CIC: variants seen among roughly 807,000 people sequenced by gnomAD.
The protein encoded by CIC is protein capicua homolog.
A neutral mutation model predicts 115.7 loss-of-function variants in CIC; 18 were observed. The observed-to-expected ratio is 0.16, with a 90% CI of 0.11 to 0.23. CIC has a LOEUF of 0.23. CIC is among the 10% of genes least tolerant of loss of function. The probability of loss-of-function intolerance (pLI) is 1.00; values close to 1 mark genes in which losing one functional copy is unlikely to be tolerated. For missense variants in CIC, 2,000 were observed against 2,159.3 expected (o/e 0.93, Z 1.46); for synonymous variants, 1,076 against 923.0 (o/e 1.17, Z -3.01).
chr19:42,281,895 A>G (rs1275960757), intron 2 of CIC, among the ~76,000 whole-genome samples: 1 of 152,088 alleles, frequency 6.6e-6, no homozygotes, highest in Non-Finnish European at 1.5e-5. Flanking sequence ...CTTTTTCTCA[A>G]CCAACAGAAG....
chr19:42,288,162 A>G lies in CIC; in HGVS notation c.3658+187A>G, dbSNP rs113739006. ...CGGAGCCAGGGAGATCCACACAGAT[A>G]CTAAGATTCCCAAACAGCAATCTCG... On this transcript the variant is annotated intron_variant, in intron 7 of 20. Transcript: ENST00000681038. 3.2e-3 allele frequency among the ~76,000 whole-genome samples: 487 copies of G among 152,330 alleles called. 11 individuals carry two copies. Among genetic ancestry groups the G allele is most frequent in the African/African-American group, 0.011 (460 of 41,572 alleles).
At chr19:42,290,107 G>T in intron 10 of CIC, 126 bp from the exon 11 acceptor site, 1 of 1,464,112 alleles carries the variant, frequency 6.8e-7, no homozygotes, top group South Asian at 1.1e-5. Flanking sequence ...ATGAATTGAG[G>T]CCTTCAGCTG....
At chr19:42,282,100 G>C (rs543215676) in intron 2 of CIC, among the ~76,000 whole-genome samples, 1 of 152,308 alleles carries the variant, frequency 6.6e-6, no homozygotes, top group South Asian at 2.1e-4. Flanking sequence ...AGTCCCTGGG[G>C]CAGTGAAGTA....
At chr19:42,294,149 C>T in intron 18 of CIC, 24 bp from the exon 19 acceptor site, 1 of 1,613,938 alleles carries the variant, frequency 6.2e-7, no homozygotes, top group African/African-American at 1.3e-5. Context: ...GCCACCTGCA[C>T]TGAGTCTGCT....
At position 42,289,066 on chromosome 19, in the gene CIC, T is replaced by C; in HGVS notation, c.3837T>C (p.Ser1279=). 1.9e-6 allele frequency: 3 copies of C among 1,613,670 alleles called. No homozygotes were observed. The highest frequency in any genetic ancestry group is 2.5e-6 in the Non-Finnish European group (3 of 1,180,032). The change falls in exon 8 of 21, where the codon AGT becomes AGC. Residue 1279 remains serine (S), a synonymous_variant. Transcript: ENST00000681038. ...GCCTGGACGGCGGAGAAGTAGACAG[T>C]CAGGCGCTACAGGAACTGACGCAGG... ...VHSLDGGEVD[S]QALQELTQMV...
chr19:42,284,699 C>A, intron 2 of CIC: 1 of 1,545,900 alleles, frequency 6.5e-7, no homozygotes, highest in Non-Finnish European at 8.7e-7. Flanking sequence ...CCCCCTGCGC[C>A]GGACCATGTA....
intron 17 of CIC, 29 bp from the exon 18 acceptor site, chr19:42,293,906 C>G (rs1254156348): frequency 3.8e-5 from 62 of 1,612,504 alleles, no homozygotes; most frequent in Non-Finnish European, 5.2e-5. Flanking sequence ...CAGGCTGAGG[C>G]GGGGGAGGTG....
At position 42,273,772 on chromosome 19, in the gene CIC, G is replaced by A; in HGVS notation, c.1989G>A (p.Leu663=). ...IQRTAVRSRH[L]SASTPKAGVL... ...GCACTGCAGTCCGCAGTCGCCACCT[G>A]AGCGCCAGCACCCCTAAGGCAGGCG... The change falls in exon 2 of 21, where the codon CTG becomes CTA. Residue 663 remains leucine (L), a synonymous_variant. Transcript: ENST00000681038. 1 of 398,680 alleles carries A rather than the reference G, an allele frequency of 2.5e-6. No homozygotes were observed. The highest frequency in any genetic ancestry group is 3.6e-5 in the East Asian group (1 of 28,062). The allele number at this position is 398,680 out of a possible 1,614,324, so 24.7% of individuals were successfully genotyped here.
chr19:42,290,495 C>G lies in CIC; in HGVS notation c.4454C>G (p.Pro1485Arg). Residue 1485 changes from proline to arginine, a missense_variant, in exon 11 of 21, where the codon CCT becomes CGT. Physicochemically the swap from Pro to Arg is moderately radical, Grantham distance 103. Coordinates refer to ENST00000681038, the MANE Select transcript of CIC (RefSeq NM_001386298.1). ...STAGPLRPPP[P>R]GAGGPATPSK... is the part of the protein sequence containing the mutation. ...GCGGGCCCCCTACGGCCCCCACCCC[C>G]TGGGGCTGGGGGTCCAGCGACACCT... is the stretch of plus-strand genomic sequence containing the variant. 1 of 1,613,676 alleles carries G rather than the reference C, an allele frequency of 6.2e-7. No individual in the cohort carries two copies. The highest frequency in any genetic ancestry group is 1.1e-5 in the South Asian group (1 of 91,068).
In CIC at chr19:42,289,874, A is replaced by G; in HGVS notation, c.4114A>G (p.Ile1372Val). 12 of 1,608,532 alleles carry G rather than the reference A, an allele frequency of 7.5e-6. No homozygotes were observed. Among genetic ancestry groups the G allele is most frequent in the East Asian group, 2.2e-5 (1 of 44,750 alleles). ...TGACGATGGCTTCGGCACCACTGAC[A>G]TTGATCTCAAGTGCAAGGAGCGGGT... ...IADDGFGTTD[I>V]DLKCKERVTD... The change falls in exon 10 of 21, where the codon ATT (isoleucine) becomes GTT (valine). Residue 1372 changes from isoleucine (I) to valine (V), a missense_variant. Physicochemically the swap from Ile to Val is conservative, Grantham distance 29 (BLOSUM62 3). Transcript: ENST00000681038.
intron 1 of CIC, among the ~76,000 whole-genome samples, chr19:42,269,702 C>T (rs1050695249): frequency 1.5e-5 from 2 of 136,500 alleles, no homozygotes; most frequent in Admixed American, 8.6e-5. Context: ...CCGGAGATGG[C>T]TGACAGGACA....
rs750021385 is a variant in CIC, at chr19:42,291,673, C to T, written c.5541C>T (p.Ala1847=). 64 of 1,612,974 alleles carry T rather than the reference C, an allele frequency of 4.0e-5. No homozygotes were observed. In the African/African-American group the frequency reaches 4.7e-4, roughly 12 times the overall value. Reference sequence around the variant, plus strand: ...GCATGTCAGTGCGGGGTGGAGGGGCCGGCCAGCCACTGCCACTGGTGAGCC... The same window carrying T: ...GCATGTCAGTGCGGGGTGGAGGGGCTGGCCAGCCACTGCCACTGGTGAGCC... ...APSMSVRGGG[A]GQPLPLVSPP... Residue 1847 remains alanine, a synonymous_variant, in exon 12 of 21, where the codon GCC becomes GCT. Coordinates refer to ENST00000681038, the MANE Select transcript of CIC (RefSeq NM_001386298.1).
Position 42,289,387 on chromosome 19 carries a change from A to G in CIC, c.4068A>G (p.Glu1356=). 1.9e-6 allele frequency: 3 copies of G among 1,595,564 alleles called. No homozygotes were observed. Among genetic ancestry groups the G allele is most frequent in the Non-Finnish European group, 2.6e-6 (3 of 1,170,846 alleles). Residue 1356 remains glutamate (E), a synonymous_variant, in exon 9 of 21, where the codon GAA becomes GAG. Coordinates refer to ENST00000681038, the MANE Select transcript of CIC (RefSeq NM_001386298.1). ...AGCGCATGGTCATCTGTGAGGAGGA[A>G]GGGGATGATGATGTCATTGGTGAGC... is the stretch of plus-strand genomic sequence containing the variant. ...DEERMVICEE[E]GDDDVIADDG...
chr19:42,283,957 A>C (rs2037399810), intron 2 of CIC: 1 of 148,246 alleles, frequency 6.7e-6, no homozygotes, highest in Non-Finnish European at 1.5e-5. Flanking sequence ...GCGGCAGCCA[A>C]TGGGCTCACG....
rs769858953 is a variant in CIC, at chr19:42,287,117, C to A, written c.3056C>A (p.Pro1019His). The A allele has an allele frequency of 1.2e-6, 2 of 1,613,602 alleles. No homozygotes were observed. Residue 1019 changes from proline to histidine, a missense_variant, in exon 4 of 21, where the codon CCC becomes CAC. Transcript: ENST00000681038. This position sits in a 1 kb window ranked among gnomAD's most constrained non-coding sequence, Gnocchi z 8.7. ...ATCPESPGPG[P>H]PHPLGVVESG... ...TGCCCTGAGAGCCCAGGACCCGGAC[C>A]CCCACACCCTTTGGGGGTGGTGGAA...
chr19:42,276,586 C>T (rs758762064), intron 2 of CIC, among the ~76,000 whole-genome samples: 6 of 152,190 alleles, frequency 3.9e-5, no homozygotes, highest in Non-Finnish European at 8.8e-5. Flanking sequence ...TTATGCCTGC[C>T]CCTGATGTTC....
chr19:42,293,393 A>T, intron 16 of CIC, 112 bp downstream of exon 16: 1 of 1,361,828 alleles, frequency 7.3e-7, no homozygotes, highest in Non-Finnish European at 1.0e-6. Flanking sequence ...CTCTCAGGTT[A>T]AAGGGTCCCC....
At chr19:42,282,318 G>C (rs1485927498) in intron 2 of CIC, among the ~76,000 whole-genome samples, 2 of 152,230 alleles carry the variant, frequency 1.3e-5, no homozygotes, top group Non-Finnish European at 2.9e-5. Flanking sequence ...GGATGAGGCA[G>C]GTTGGGGAAA....
At chr19:42,294,497 C>T (rs2038374726) in intron 19 of CIC, 107 bp from the exon 20 acceptor site, 11 of 1,576,942 alleles carry the variant, frequency 7.0e-6, no homozygotes, top group African/African-American at 1.3e-5. Flanking sequence ...CCCTCTCTGA[C>T]TCCCCTGTGA....
Sources: gnomAD v4.1 joint callset for allele counts (sites outside exome capture counted in the v4.1 genomes callset) on GRCh38, gnomAD v4.1.1 for gene constraint, Gnocchi (gnomAD v3.1) non-coding constraint, MANE v1.5 for transcripts, NCBI Gene and HGNC (gene_info 2026-07-23, HGNC 2026-07-21) for gene names.